The following PIEZO2 variants were observed in gnomAD, a reference collection of about 807,000 sequenced individuals.
PIEZO2 encodes the protein piezo-type mechanosensitive ion channel component 2.
Under a neutral mutation model 337.3 loss-of-function variants are expected in PIEZO2, and 172 were observed. That is an observed-to-expected ratio of 0.51 (90% CI 0.45 to 0.58). The LOEUF is 0.58. Among genes scored for constraint, PIEZO2 ranks in the 20% least tolerant of loss-of-function variants. PIEZO2 has a pLI of 0.00. For missense variants in PIEZO2, 3,028 were observed against 3,391.3 expected, an observed-to-expected ratio of 0.89 and a Z score of 2.66; for synonymous variants, 1,251 against 1,228.5, an observed-to-expected ratio of 1.02 and a Z score of -0.38.
At position 10,677,703 on chromosome 18, in the gene PIEZO2, C is replaced by T. The variant is rs954180712; in HGVS notation, c.8081+44G>A. The stretch of plus-strand genomic sequence containing the variant: ...GTAGATGGACATTTTGTACCAGCTG[C>T]ATATACCTAACAAAGCTCTATTAGT... On this transcript the variant is annotated intron_variant, in intron 53 of 55. Transcript: ENST00000674853. The surrounding 1 kb of genome is among the most constrained non-coding windows in gnomAD (Gnocchi z 4.1). The T allele has an allele frequency of 1.3e-6, 2 of 1,590,012 alleles. No homozygotes were observed. The highest frequency in any genetic ancestry group is 1.7e-6 in the Non-Finnish European group (2 of 1,170,586).
At chr18:11,051,364 T>TGTGTGGGTGTGG in intron 2 of PIEZO2, among the ~76,000 whole-genome samples, 1 of 151,972 alleles carries the variant, frequency 6.6e-6, no homozygotes, top group South Asian at 2.1e-4. Flanking sequence ...TGTGTGTGTG[T>TGTGTGGGTGTGG]GTGTGGGTGT....
chr18:10,953,113 A>T lies in PIEZO2; in HGVS notation c.286+26422T>A, dbSNP rs2033371352. On this transcript the variant is annotated intron_variant, in intron 3 of 55. Transcript: ENST00000674853. This position sits in a 1 kb window ranked among gnomAD's most constrained non-coding sequence, Gnocchi z 5.2. The stretch of plus-strand genomic sequence containing the variant: ...GATGTTTCCTTAGTATTGAGTTTTA[A>T]GAGTTCTTCATAAATACTGGATACA... Among the ~76,000 whole-genome samples the T allele has an allele frequency of 1.3e-5, 2 of 152,190 alleles. No individual in the cohort carries two copies. Among genetic ancestry groups the T allele is most frequent in the South Asian group, 4.1e-4 (2 of 4,828 alleles).
intron 14 of PIEZO2, among the ~76,000 whole-genome samples, 154 bp downstream of exon 14, chr18:10,791,047 C>T (rs532951261): frequency 6.6e-6 from 1 of 152,294 alleles, no homozygotes; most frequent in South Asian, 2.1e-4. Context: ...CTCACGTGTA[C>T]CTCAAAAGTC....
At chr18:10,755,027 T>G (rs1210849743) in intron 27 of PIEZO2, among the ~76,000 whole-genome samples, 1 of 152,146 alleles carries the variant, frequency 6.6e-6, no homozygotes, top group Admixed American at 6.5e-5. Flanking sequence ...CTGACAGCTA[T>G]CTGTATTGGT....
rs570217488 is a variant in PIEZO2, at chr18:11,116,659, T to G, written c.64+31866A>C. On this transcript the variant is annotated intron_variant, in intron 1 of 55. Transcript: ENST00000674853. The surrounding 1 kb of genome is among the most constrained non-coding windows in gnomAD (Gnocchi z 5.0). Reference sequence around the variant, plus strand: ...TGAACCCGGGAGGCGTAGCTTGCAGTGAGCCGAGATCCGCCACCGCACTCC... The same window carrying G: ...TGAACCCGGGAGGCGTAGCTTGCAGGGAGCCGAGATCCGCCACCGCACTCC... Among the ~76,000 whole-genome samples the G allele has an allele frequency of 2.0e-5, 3 of 151,106 alleles. No individual in the cohort carries two copies. Among genetic ancestry groups the G allele is most frequent in the African/African-American group, 7.3e-5 (3 of 41,060 alleles).
intron 27 of PIEZO2, among the ~76,000 whole-genome samples, chr18:10,755,579 A>G (rs1230424884): frequency 6.6e-6 from 1 of 152,160 alleles, no homozygotes; most frequent in Non-Finnish European, 1.5e-5. Context: ...AAACCCAGGG[A>G]ATGCAGAAAT....
At chr18:10,873,384 A>T (rs1188209417) in intron 4 of PIEZO2, among the ~76,000 whole-genome samples, 3 of 152,144 alleles carry the variant, frequency 2.0e-5, no homozygotes, top group Admixed American at 6.5e-5. Flanking sequence ...GAACAGAATT[A>T]TACTCCATTC....
chr18:10,908,511 A>C (rs534607837), intron 4 of PIEZO2: 6 of 152,360 alleles, frequency 3.9e-5, no homozygotes, highest in Non-Finnish European at 8.8e-5. Context: ...ACTTGAGAAG[A>C]AAAAAGACAA....
chr18:10,726,233 C>A lies in PIEZO2; in HGVS notation c.5029+5174G>T. 2.8e-6 allele frequency: 2 copies of A among 726,128 alleles called. No homozygotes were observed. The highest frequency in any genetic ancestry group is 4.9e-6 in the Non-Finnish European group (2 of 410,232). 45.0% of individuals were successfully genotyped at this position (726,128 alleles called of 1,614,324 possible). ...AGGAGGGGCTTCACGCTGCCTGGGG[C>A]TGGAAGAGCTTGTGTGCGAGCCTGT... On this transcript the variant is annotated intron_variant, in intron 36 of 55. Transcript: ENST00000674853. The surrounding 1 kb of genome is among the most constrained non-coding windows in gnomAD (Gnocchi z 5.9).
At chr18:10,896,637 C>T (rs2042910671) in intron 4 of PIEZO2, among the ~76,000 whole-genome samples, 1 of 152,172 alleles carries the variant, frequency 6.6e-6, no homozygotes, top group African/African-American at 2.4e-5. Context: ...TGAGGCCTCC[C>T]TGACTTCCTA....
At chr18:11,141,212 C>T (rs1040768490) in intron 1 of PIEZO2, among the ~76,000 whole-genome samples, 1 of 152,178 alleles carries the variant, frequency 6.6e-6, no homozygotes, top group Non-Finnish European at 1.5e-5. Context: ...GGCCTTCTAT[C>T]AACTGGAGAA....
chr18:10,719,042 T>A (rs1227183526), intron 36 of PIEZO2, among the ~76,000 whole-genome samples: 1 of 151,806 alleles, frequency 6.6e-6, no homozygotes, highest in Non-Finnish European at 1.5e-5. Flanking sequence ...ATGAGGTTCT[T>A]TATAGAAAAT....
intron 7 of PIEZO2, among the ~76,000 whole-genome samples, chr18:10,822,872 G>GTCT (rs2040561624): frequency 6.6e-6 from 1 of 152,172 alleles, no homozygotes; most frequent in Non-Finnish European, 1.5e-5. Context: ...ATTAAACTTG[G>GTCT]AAATTAACAT....
chr18:10,724,643 C>A lies in PIEZO2; in HGVS notation c.5030-6384G>T, dbSNP rs1030524244. 8.2e-6 allele frequency: 6 copies of A among 732,726 alleles called. No homozygotes were observed. The East Asian group carries it at 1.0e-4, about 12-fold the overall frequency. The allele number at this position is 732,726 out of a possible 1,614,324, so 45.4% of individuals were successfully genotyped here. ...ATGGTGCTGGACTCGGGGTCTCAGG[C>A]GTATGATCAGGCACCCACCAGCCCA... On this transcript the variant is annotated intron_variant, in intron 36 of 55. Transcript: ENST00000674853. This position sits in a 1 kb window ranked among gnomAD's most constrained non-coding sequence, Gnocchi z 5.8.
At chr18:11,066,983 G>A (rs2038175669) in intron 1 of PIEZO2, among the ~76,000 whole-genome samples, 1 of 152,158 alleles carries the variant, frequency 6.6e-6, no homozygotes, top group Admixed American at 6.5e-5. Context: ...CTTTATGCAA[G>A]CCTCATGGTC....
At chr18:11,075,271 T>C (rs913603190) in intron 1 of PIEZO2, among the ~76,000 whole-genome samples, 1 of 152,196 alleles carries the variant, frequency 6.6e-6, no homozygotes, top group Non-Finnish European at 1.5e-5. Context: ...TTATGGTTAT[T>C]TTATGAATAG....
At chr18:10,886,503 T>C (rs1176734735) in intron 4 of PIEZO2, among the ~76,000 whole-genome samples, 1 of 118,136 alleles carries the variant, frequency 8.5e-6, no homozygotes, top group East Asian at 2.3e-4. Flanking sequence ...TATATACGCA[T>C]ATACACATTA....
At chr18:10,848,201 T>C (rs2041423655) in intron 7 of PIEZO2, among the ~76,000 whole-genome samples, 1 of 152,216 alleles carries the variant, frequency 6.6e-6, no homozygotes, top group Non-Finnish European at 1.5e-5. Flanking sequence ...TTCTTTCATT[T>C]TCTAGATGAC....
intron 30 of PIEZO2, among the ~76,000 whole-genome samples, chr18:10,747,103 C>T (rs567168509): frequency 5.9e-5 from 9 of 152,276 alleles, no homozygotes; most frequent in South Asian, 2.1e-4. Flanking sequence ...GATCAACTCA[C>T]GGCTTTTCTT....
Sources: allele counts gnomAD v4.1 joint callset (sites outside exome capture counted in the v4.1 genomes callset), GRCh38; gene constraint gnomAD v4.1.1; non-coding constraint Gnocchi (gnomAD v3.1); transcripts MANE v1.5; gene names NCBI Gene and HGNC (gene_info 2026-07-23, HGNC 2026-07-21).